Variants in ARHGEF3 observed in about 807,000 individuals in gnomAD.
The protein encoded by ARHGEF3 is 59.8 kDA protein.
In ARHGEF3, 28 loss-of-function variants were observed where a neutral mutation model predicts 63.2. The observed-to-expected ratio is 0.44, with a 90% CI of 0.33 to 0.61. The LOEUF (loss-of-function observed/expected upper bound fraction) is 0.61, where lower values mean the gene tolerates loss of function less well. Among genes scored for constraint, ARHGEF3 ranks in the 20% least tolerant of loss-of-function variants. The pLI is 0.03. For synonymous variants in ARHGEF3, 266 were observed against 254.2 expected, an observed-to-expected ratio of 1.05 and a Z score of -0.44; for missense variants, 533 against 659.3, an observed-to-expected ratio of 0.81 and a Z score of 2.10.
chr3:56,793,008 A>T lies in ARHGEF3; in HGVS notation c.96+8695T>A, dbSNP rs7622261. On this transcript the variant is annotated intron_variant, in intron 1 of 9. Coordinates refer to ENST00000296315, the MANE Select transcript of ARHGEF3 (RefSeq NM_019555.3). ...CGGCATTGGGTTTTTTTTTTTTTTT[A>T]TTTTTATTTTTTTGAGACAGAGTTG... Among the ~76,000 whole-genome samples, 867 of 142,684 alleles carry T rather than the reference A, an allele frequency of 6.1e-3. 5 individuals are homozygous for T. The highest frequency in any genetic ancestry group is 9.1e-3 in the Non-Finnish European group (577 of 63,506). 93.6% of individuals were successfully genotyped at this position (142,684 alleles called of 152,430 possible).
At chr3:56,822,394 C>G (rs184004284) in intron 4 of ARHGEF3, among the ~76,000 whole-genome samples, 38 of 152,264 alleles carry the variant, frequency 2.5e-4, no homozygotes, top group African/African-American at 9.1e-4. Flanking sequence ...GATTATAGGA[C>G]ATCCACTGCA....
chr3:56,750,964 TA>T, intron 6 of ARHGEF3, 91 bp downstream of exon 6: 1 of 914,412 alleles, frequency 1.1e-6, no homozygotes, highest in Non-Finnish European at 1.5e-6. Context: ...TGTAAAAAAA[TA>T]AAAATAAAAA....
At chr3:57,019,894 C>A (rs1351477595) in intron 2 of ARHGEF3, among the ~76,000 whole-genome samples, 1 of 149,444 alleles carries the variant, frequency 6.7e-6, no homozygotes, top group Non-Finnish European at 1.5e-5. Flanking sequence ...CATCTATTTT[C>A]ATGATTGATT....
intron 1 of ARHGEF3, chr3:56,775,800 GCA>G (rs146595496): frequency 0.014 from 3,080 of 212,746 alleles, 71 homozygotes; most frequent in East Asian, 0.11. Context: ...ACACGCGCAA[GCA>G]CACACACACA....
intron 3 of ARHGEF3, among the ~76,000 whole-genome samples, chr3:56,894,678 T>C (rs985898382): frequency 2.0e-5 from 3 of 152,112 alleles, no homozygotes; most frequent in Admixed American, 6.5e-5. Context: ...GATTTGCCAT[T>C]TTATGGGCAA....
At chr3:56,826,829 T>C (rs2038730927) in intron 4 of ARHGEF3, among the ~76,000 whole-genome samples, 1 of 152,226 alleles carries the variant, frequency 6.6e-6, no homozygotes, top group African/African-American at 2.4e-5. Context: ...ATCTGCTTTT[T>C]TGCTTAAATG....
At position 56,924,623 on chromosome 3, in the gene ARHGEF3, G is replaced by A. The variant is rs934307093; in HGVS notation, c.129+34200C>T. ...ATGCCTCCCCTTTATAGAACATATA[G>A]GGTAACTTCCTGACGTTGCCAAGGC... On this transcript the variant is annotated intron_variant, in intron 3 of 12. Coordinates refer to the ARHGEF3 transcript ENST00000338458. Among the ~76,000 whole-genome samples, 2 of 152,332 alleles carry A rather than the reference G, an allele frequency of 1.3e-5. 1 individual carries two copies. Among genetic ancestry groups the A allele is most frequent in the South Asian group, 4.1e-4 (2 of 4,824 alleles).
At chr3:56,913,148 T>TA (rs1194064002) in intron 3 of ARHGEF3, among the ~76,000 whole-genome samples, 5,717 of 64,978 alleles carry the variant, frequency 0.088, 245 homozygotes, top group African/African-American at 0.18. Context: ...CCTTGTCTCC[T>TA]AAAAAAAAAA....
Position 56,822,132 on chromosome 3 carries a change from A to G in ARHGEF3, c.193-48316T>C, listed in dbSNP as rs559943120. ...AGAAATAATAATAGACTAGCTACTA[A>G]GTATGAAGAATACACTATGTACTAG... On this transcript the variant is annotated intron_variant, in intron 4 of 12. Transcript: ENST00000338458. Among the ~76,000 whole-genome samples the G allele has an allele frequency of 2.8e-4, 42 of 152,370 alleles. 2 individuals carry two copies. The South Asian group carries it at 8.7e-3, about 32-fold the overall frequency.
chr3:57,076,313 G>C (rs1419905997), intron 1 of ARHGEF3, among the ~76,000 whole-genome samples: 1 of 152,144 alleles, frequency 6.6e-6, no homozygotes, highest in Non-Finnish European at 1.5e-5. Context: ...CCTCTGGTGA[G>C]ACATGACTGG....
chr3:56,877,520 C>A (rs1417678659), intron 4 of ARHGEF3, among the ~76,000 whole-genome samples: 1 of 151,944 alleles, frequency 6.6e-6, no homozygotes, highest in African/African-American at 2.4e-5. Context: ...TACAGCCATG[C>A]ATCACCATAC....
chr3:57,050,779 C>A (rs939195743), intron 1 of ARHGEF3, among the ~76,000 whole-genome samples: 41 of 152,346 alleles, frequency 2.7e-4, no homozygotes, highest in African/African-American at 9.4e-4. Context: ...ATCAACTTCA[C>A]ACATACAGTA....
At chr3:56,732,122 T>C in intron 9 of ARHGEF3, 116 bp downstream of exon 9, 1 of 1,233,872 alleles carries the variant, frequency 8.1e-7, no homozygotes, top group Non-Finnish European at 1.1e-6. Context: ...TGAAATAGCA[T>C]ACAAATGCAG....
chr3:56,821,837 G>A (rs947310643), intron 4 of ARHGEF3, among the ~76,000 whole-genome samples: 21 of 152,198 alleles, frequency 1.4e-4, no homozygotes, highest in African/African-American at 5.1e-4. Context: ...GGTGGGGCAA[G>A]CCTGTAGTAC....
chr3:56,974,049 G>A (rs1308291653), intron 2 of ARHGEF3, among the ~76,000 whole-genome samples: 1 of 152,306 alleles, frequency 6.6e-6, no homozygotes, highest in East Asian at 1.9e-4. Flanking sequence ...TCGCACCACT[G>A]CACTCCAGCC....
intron 2 of ARHGEF3, among the ~76,000 whole-genome samples, chr3:56,773,351 C>A (rs1162755397): frequency 6.6e-6 from 1 of 152,144 alleles, no homozygotes; most frequent in Non-Finnish European, 1.5e-5. Flanking sequence ...TTTGCCGACC[C>A]TGGTTGAAGC....
intron 2 of ARHGEF3, among the ~76,000 whole-genome samples, chr3:57,005,947 A>G (rs962308517): frequency 6.6e-6 from 1 of 152,230 alleles, no homozygotes; most frequent in Non-Finnish European, 1.5e-5. Context: ...TTGTTAGGAT[A>G]TGATGAGCAC....
At chr3:56,745,835 A>C (rs1202270047) in intron 6 of ARHGEF3, among the ~76,000 whole-genome samples, 2 of 151,952 alleles carry the variant, frequency 1.3e-5, no homozygotes, top group African/African-American at 4.8e-5. Flanking sequence ...CCATGCCCGG[A>C]TAATTTTTTG....
chr3:57,065,015 G>C (rs1705445308), intron 1 of ARHGEF3, among the ~76,000 whole-genome samples: 1 of 152,240 alleles, frequency 6.6e-6, no homozygotes, highest in Non-Finnish European at 1.5e-5. Flanking sequence ...AAAAAGTTTT[G>C]CTCTAAACTG....
Sources: allele counts gnomAD v4.1 joint callset (sites outside exome capture counted in the v4.1 genomes callset), GRCh38; gene constraint gnomAD v4.1.1; transcripts MANE v1.5; gene names NCBI Gene and HGNC (gene_info 2026-07-23, HGNC 2026-07-21).